The following KREMEN1 variants were observed in gnomAD, a reference collection of about 807,000 sequenced individuals.
KREMEN1 encodes kringle containing transmembrane protein 1.
A neutral mutation model predicts 46.5 loss-of-function variants in KREMEN1; 30 were observed. The observed-to-expected ratio is 0.65, with a 90% CI of 0.48 to 0.88. The LOEUF (loss-of-function observed/expected upper bound fraction) is 0.88. Among genes scored for constraint, KREMEN1 ranks in the 40% least tolerant of loss-of-function variants. The probability of loss-of-function intolerance (pLI) is 0.00; values close to 1 mark genes in which losing one functional copy is unlikely to be tolerated. For missense variants in KREMEN1, 533 were observed against 596.9 expected (o/e 0.89, Z 1.11); for synonymous variants, 214 against 230.6 (o/e 0.93, Z 0.65).
intron 3 of KREMEN1, among the ~76,000 whole-genome samples, chr22:29,120,083 ATGGAG>A (rs1569325630): frequency 2.1e-4 from 13 of 60,790 alleles, no homozygotes; most frequent in East Asian, 1.3e-3. Context: ...GATGAAGGAA[ATGGAG>A]GAGGGAGAGG....
At position 29,146,769 on chromosome 22, in the gene KREMEN1, A is replaced by G; in HGVS notation, c.*4657A>G. 8 of 958,458 alleles carry G rather than the reference A, an allele frequency of 8.3e-6. No individual in the cohort carries two copies. Among genetic ancestry groups the G allele is most frequent in the Non-Finnish European group, 9.9e-6 (8 of 805,050 alleles). The allele number at this position is 958,458 out of a possible 1,614,324, so 59.4% of individuals were successfully genotyped here. ...ATGGTACTTTTACAAACGAGAAAAA[A>G]TGTTATTTTTACTTTCTGGAAAAAA... On this transcript the variant is annotated 3_prime_UTR_variant, in exon 9 of 9. Coordinates refer to ENST00000400335, the MANE Select transcript of KREMEN1 (RefSeq NM_001039570.3).
At chr22:29,166,176 A>T (rs1402542973) in intron 9 of KREMEN1, among the ~76,000 whole-genome samples, 1 of 151,116 alleles carries the variant, frequency 6.6e-6, no homozygotes, top group East Asian at 1.9e-4. Context: ...ACATCCATAC[A>T]CATGCACACT....
At position 29,146,371 on chromosome 22, in the gene KREMEN1, G is replaced by A. The variant is rs1313856206; in HGVS notation, c.*4259G>A. The A allele has an allele frequency of 1.0e-6, 1 of 985,896 alleles. No individual in the cohort carries two copies. The highest frequency in any genetic ancestry group is 1.1e-4 in the East Asian group (1 of 8,818). The allele number at this position is 985,896 out of a possible 1,614,324, so 61.1% of individuals were successfully genotyped here. Reference sequence around the variant, plus strand: ...CCCTCTGCCTGCAGACCCCTGGTGGGCACATCTCACAGGCTTCCGTCTTGC... The same window carrying A: ...CCCTCTGCCTGCAGACCCCTGGTGGACACATCTCACAGGCTTCCGTCTTGC... On this transcript the variant is annotated 3_prime_UTR_variant, in exon 9 of 9. Transcript: ENST00000400335.
chr22:29,085,410 C>G (rs544566754), intron 1 of KREMEN1, among the ~76,000 whole-genome samples: 7 of 152,228 alleles, frequency 4.6e-5, no homozygotes, highest in African/African-American at 1.7e-4. Context: ...GTATGTATCT[C>G]TAAATGCTAA....
At chr22:29,154,135 G>A (rs2038941668) in intron 9 of KREMEN1, among the ~76,000 whole-genome samples, 2 of 152,272 alleles carry the variant, frequency 1.3e-5, no homozygotes, top group Middle Eastern at 6.8e-3. Flanking sequence ...ACCACCAGGA[G>A]CAGGGGGCAC....
At chr22:29,147,162 A>G (rs977927811), downstream of KREMEN1, among the ~76,000 whole-genome samples, 1 of 152,146 alleles carries the variant, frequency 6.6e-6, no homozygotes, top group Non-Finnish European at 1.5e-5. Context: ...CAGCTTCCCC[A>G]TCTGAAAAGG....
intron 2 of KREMEN1, among the ~76,000 whole-genome samples, chr22:29,095,676 G>T (rs1171189192): frequency 6.6e-6 from 1 of 152,082 alleles, no homozygotes; most frequent in Non-Finnish European, 1.5e-5. Flanking sequence ...GTATTGTATG[G>T]GCCACACTGT....
At chr22:29,119,078 T>C (rs2038289784) in intron 3 of KREMEN1, among the ~76,000 whole-genome samples, 1 of 152,212 alleles carries the variant, frequency 6.6e-6, no homozygotes, top group Non-Finnish European at 1.5e-5. Context: ...CTAAGCATGG[T>C]GGCTCACACC....
intron 1 of KREMEN1, among the ~76,000 whole-genome samples, chr22:29,074,941 A>T (rs1484434377): frequency 3.3e-5 from 5 of 152,204 alleles, no homozygotes; most frequent in African/African-American, 1.2e-4. Flanking sequence ...TAATACTTTT[A>T]TAGGGCCTCA....
intron 1 of KREMEN1, among the ~76,000 whole-genome samples, chr22:29,077,799 GTGAA>G (rs1448713517): frequency 6.6e-6 from 1 of 152,132 alleles, no homozygotes; most frequent in Non-Finnish European, 1.5e-5. Flanking sequence ...CTTGATTTTG[GTGAA>G]TGAATGAAAC....
Position 29,138,761 on chromosome 22 carries a change from C to G in KREMEN1, c.1102C>G (p.His368Asp), listed in dbSNP as rs2038711921. The G allele has an allele frequency of 1.2e-6, 2 of 1,614,108 alleles. No homozygotes were observed. The highest frequency in any genetic ancestry group is 2.7e-5 in the African/African-American group (2 of 74,940). The change falls in exon 7 of 9, where the codon CAC (histidine) becomes GAC (aspartate). Residue 368 changes from histidine (H) to aspartate (D), a missense_variant. Transcript: ENST00000400335. Reference protein sequence around the residue: ...VLYVITTSPSHPPQTVPGWTV... With the variant: ...VLYVITTSPSDPPQTVPGWTV... ...CTATGTCATCACCACCAGCCCCAGC[C>G]ACCCACCTCAGACTGTCCCAGGTAG...
Position 29,144,243 on chromosome 22 carries a change from C to T in KREMEN1, c.*2131C>T, listed in dbSNP as rs1178517143. The T allele has an allele frequency of 9.1e-6, 9 of 985,456 alleles. No homozygotes were observed. The highest frequency in any genetic ancestry group is 1.7e-5 in the African/African-American group (1 of 57,256). 61.0% of individuals were successfully genotyped at this position (985,456 alleles called of 1,614,324 possible). A position where few individuals can be genotyped will look rare whatever the true frequency, so the allele number is the denominator to read the frequency against. ...GGGGCTCCTACTGAGGTTCTGGAAA[C>T]ACCTCTGCACCTGCCGCCCCTGGGA... is the stretch of plus-strand genomic sequence containing the variant. On this transcript the variant is annotated 3_prime_UTR_variant, in exon 9 of 9. Coordinates refer to ENST00000400335, the MANE Select transcript of KREMEN1 (RefSeq NM_001039570.3).
At chr22:29,120,576 G>A (rs1368978626) in intron 3 of KREMEN1, among the ~76,000 whole-genome samples, 8 of 132,014 alleles carry the variant, frequency 6.1e-5, no homozygotes, top group Admixed American at 7.2e-5. Flanking sequence ...AGGAGGGAGA[G>A]TTGATGATGG....
chr22:29,164,303 T>C (rs1601827425), intron 9 of KREMEN1, among the ~76,000 whole-genome samples: 2 of 152,028 alleles, frequency 1.3e-5, no homozygotes, highest in Non-Finnish European at 2.9e-5. Flanking sequence ...GCTGGAACGG[T>C]TGAAGGAGAG....
At chr22:29,148,750 T>C (rs1361864223), downstream of KREMEN1, among the ~76,000 whole-genome samples, 1 of 151,958 alleles carries the variant, frequency 6.6e-6, no homozygotes, top group Non-Finnish European at 1.5e-5. Context: ...CCACCGCGCC[T>C]GGTGAGCAAA....
chr22:29,082,711 T>G (rs2037674708), intron 1 of KREMEN1, among the ~76,000 whole-genome samples: 1 of 152,222 alleles, frequency 6.6e-6, no homozygotes, highest in Non-Finnish European at 1.5e-5. Context: ...GCAGTTACAC[T>G]TCAAGGTAAT....
At chr22:29,086,130 C>T (rs2037724703) in intron 1 of KREMEN1, among the ~76,000 whole-genome samples, 1 of 151,650 alleles carries the variant, frequency 6.6e-6, no homozygotes. Flanking sequence ...ACTTTCCAGT[C>T]ATATCACCCC....
intron 9 of KREMEN1, among the ~76,000 whole-genome samples, chr22:29,164,271 G>T (rs1032773131): frequency 2.0e-5 from 3 of 152,184 alleles, no homozygotes; most frequent in African/African-American, 7.2e-5. Context: ...CAAACTGATG[G>T]GACCAGTCCT....
chr22:29,103,406 A>G (rs2038004576), intron 3 of KREMEN1, among the ~76,000 whole-genome samples: 1 of 152,202 alleles, frequency 6.6e-6, no homozygotes. Context: ...GCAGACCTGA[A>G]GTACAACTCA....
Sources: allele counts gnomAD v4.1 joint callset (sites outside exome capture counted in the v4.1 genomes callset), GRCh38; gene constraint gnomAD v4.1.1; transcripts MANE v1.5; gene names NCBI Gene and HGNC (gene_info 2026-07-23, HGNC 2026-07-21).